Variants in PCDH9 observed in about 807,000 individuals in gnomAD.
PCDH9 encodes protocadherin-9.
Under a neutral mutation model 70.6 loss-of-function variants are expected in PCDH9, and 24 were observed. The ratio of observed to expected loss-of-function variants is 0.34; its 90% CI spans 0.25 to 0.48. The LOEUF is 0.48. Ranked by LOEUF, PCDH9 falls within the 20% of genes least tolerant of loss-of-function variation. PCDH9 has a pLI of 0.99. For synonymous variants in PCDH9, 562 were observed against 558.5 expected, an observed-to-expected ratio of 1.01 and a Z score of -0.09; for missense variants, 1,281 against 1,503.6, an observed-to-expected ratio of 0.85 and a Z score of 2.45.
intron 2 of PCDH9, among the ~76,000 whole-genome samples, chr13:67,001,358 T>C (rs995309658): frequency 1.3e-5 from 2 of 152,104 alleles, no homozygotes. Flanking sequence ...TCCTTGAAAA[T>C]GATGTCACCG....
intron 4 of PCDH9, among the ~76,000 whole-genome samples, chr13:66,425,781 A>G (rs1398280134): frequency 6.6e-6 from 1 of 151,664 alleles, no homozygotes; most frequent in East Asian, 1.9e-4. Flanking sequence ...AGAATGACTA[A>G]TACTTATCAT....
chr13:66,976,475 C>T (rs938675228), intron 2 of PCDH9, among the ~76,000 whole-genome samples: 3 of 152,006 alleles, frequency 2.0e-5, no homozygotes, highest in African/African-American at 7.2e-5. Context: ...TGAATTTTTT[C>T]CAGTAAAATA....
At chr13:66,399,554 T>C (rs1477677757) in intron 4 of PCDH9, among the ~76,000 whole-genome samples, 2 of 152,116 alleles carry the variant, frequency 1.3e-5, no homozygotes, top group Non-Finnish European at 2.9e-5. Flanking sequence ...GAAAACACAT[T>C]TGAGTGTAGT....
At chr13:66,834,498 C>A (rs74093626) in intron 3 of PCDH9, among the ~76,000 whole-genome samples, 1 of 151,966 alleles carries the variant, frequency 6.6e-6, no homozygotes, top group Non-Finnish European at 1.5e-5. Flanking sequence ...ACAACTGTAC[C>A]CAAAATTACT....
chr13:67,070,803 T>C (rs2085746947), intron 2 of PCDH9, among the ~76,000 whole-genome samples: 2 of 152,206 alleles, frequency 1.3e-5, no homozygotes. Flanking sequence ...CTAATAATTA[T>C]GTAAGTTGAT....
intron 2 of PCDH9, among the ~76,000 whole-genome samples, chr13:67,174,963 C>CAAAAAAAAAAA (rs376755966): frequency 7.8e-6 from 1 of 127,446 alleles, no homozygotes; most frequent in African/African-American, 3.0e-5. Flanking sequence ...TCATCTCTAC[C>CAAAAAAAAAAA]AAAAAAAAAA....
chr13:66,782,460 T>C (rs556745238), intron 3 of PCDH9, among the ~76,000 whole-genome samples: 2 of 152,060 alleles, frequency 1.3e-5, no homozygotes, highest in Non-Finnish European at 2.9e-5. Flanking sequence ...ACACGATTAA[T>C]GAACATTTGA....
chr13:67,055,153 G>C (rs2085393633), intron 2 of PCDH9, among the ~76,000 whole-genome samples: 2 of 152,034 alleles, frequency 1.3e-5, no homozygotes, highest in South Asian at 4.1e-4. Flanking sequence ...TTTCCCCTTT[G>C]GGGAAAATAT....
chr13:66,450,549 G>A (rs990266359), intron 4 of PCDH9, among the ~76,000 whole-genome samples: 1 of 152,182 alleles, frequency 6.6e-6, no homozygotes, highest in Non-Finnish European at 1.5e-5. Flanking sequence ...GAGCAGTGGG[G>A]AGGAAAGATT....
At chr13:66,789,033 A>G (rs2080123511) in intron 3 of PCDH9, among the ~76,000 whole-genome samples, 1 of 152,120 alleles carries the variant, frequency 6.6e-6, no homozygotes, top group Non-Finnish European at 1.5e-5. Context: ...CTGGCCTTCA[A>G]CCAGAAATCT....
chr13:66,595,242 G>C (rs1299780750), intron 4 of PCDH9, among the ~76,000 whole-genome samples: 1 of 151,440 alleles, frequency 6.6e-6, no homozygotes. Flanking sequence ...CCTAACTTTT[G>C]TGGGAACCTT....
chr13:66,636,327 C>G (rs1415980796), intron 3 of PCDH9, among the ~76,000 whole-genome samples: 1 of 152,030 alleles, frequency 6.6e-6, no homozygotes, highest in Non-Finnish European at 1.5e-5. Context: ...TATGGGTTTT[C>G]CCTTGAGCTA....
intron 4 of PCDH9, among the ~76,000 whole-genome samples, chr13:66,424,501 T>C (rs1273781002): frequency 6.6e-6 from 1 of 151,922 alleles, no homozygotes; most frequent in Non-Finnish European, 1.5e-5. Context: ...ATGGCATTCT[T>C]TAACCCTAAA....
intron 4 of PCDH9, among the ~76,000 whole-genome samples, chr13:66,509,751 C>A (rs142469399): frequency 8.5e-4 from 130 of 152,162 alleles, no homozygotes; most frequent in Non-Finnish European, 1.2e-3. Context: ...CCACACCCGG[C>A]CTGCAATAGT....
chr13:66,520,272 A>AT lies in PCDH9; in HGVS notation c.3340+110937dup, dbSNP rs1020289569. On this transcript the variant is annotated intron_variant, in intron 4 of 4. Coordinates refer to ENST00000377865, the MANE Select transcript of PCDH9 (RefSeq NM_203487.3). ...ATTTGGATTAAATGTGCATACAATG[A>AT]TTTTTTTTCCGCTATTTCATTTGCT... Among the ~76,000 whole-genome samples, 20 of 152,088 alleles carry AT rather than the reference A, an allele frequency of 1.3e-4. 1 individual carries two copies. In the South Asian group the frequency reaches 2.7e-3, roughly 21 times the overall value.
chr13:66,588,212 A>G (rs1457977740), intron 4 of PCDH9, among the ~76,000 whole-genome samples: 1 of 151,370 alleles, frequency 6.6e-6, no homozygotes, highest in Non-Finnish European at 1.5e-5. Context: ...AATGACGGAG[A>G]TACCCCCTGA....
intron 2 of PCDH9, among the ~76,000 whole-genome samples, chr13:67,018,722 A>C (rs1404728772): frequency 6.6e-6 from 1 of 152,062 alleles, no homozygotes; most frequent in Non-Finnish European, 1.5e-5. Flanking sequence ...ACAAACAAAA[A>C]ACTATGGGTC....
At chr13:67,124,307 T>C (rs2086934566) in intron 2 of PCDH9, among the ~76,000 whole-genome samples, 1 of 152,128 alleles carries the variant, frequency 6.6e-6, no homozygotes, top group African/African-American at 2.4e-5. Flanking sequence ...CTGGAAAAAT[T>C]ATTAGTGAGA....
chr13:66,874,942 T>TGTGTGTGTGTGTGTGTGAGAGAGA (rs533672911), intron 3 of PCDH9, among the ~76,000 whole-genome samples: 6 of 109,934 alleles, frequency 5.5e-5, no homozygotes, highest in African/African-American at 1.6e-4. Flanking sequence ...TGTGTGTGTG[T>TGTGTGTGTGTGTGTGTGAGAGAGA]GAGAGAGAGA....
Sources: allele counts gnomAD v4.1 joint callset (sites outside exome capture counted in the v4.1 genomes callset), GRCh38; gene constraint gnomAD v4.1.1; transcripts MANE v1.5; gene names NCBI Gene and HGNC (gene_info 2026-07-23, HGNC 2026-07-21).